Variants in TCERG1L observed in about 807,000 individuals in gnomAD.
TCERG1L encodes transcription elongation regulator 1-like protein.
In TCERG1L, 37 loss-of-function variants were observed where a neutral mutation model predicts 56.3. That is an observed-to-expected ratio of 0.66 (90% confidence interval 0.51 to 0.87). TCERG1L has a LOEUF of 0.87. Ranked by LOEUF, TCERG1L falls within the 40% of genes least tolerant of loss-of-function variation. The pLI, the probability that TCERG1L is intolerant of heterozygous loss-of-function variation, is 0.00. For synonymous variants in TCERG1L, 324 were observed against 326.3 expected, an observed-to-expected ratio of 0.99 and a Z score of 0.08; for missense variants, 799 against 774.2, an observed-to-expected ratio of 1.03 and a Z score of -0.38.
At chr10:131,190,877 A>C (rs1845294553) in intron 4 of TCERG1L, among the ~76,000 whole-genome samples, 1 of 144,190 alleles carries the variant, frequency 6.9e-6, no homozygotes, top group African/African-American at 2.6e-5. Flanking sequence ...GAGAAATTAA[A>C]CCCGAGAAAG....
At chr10:131,108,918 C>T (rs1278248978) in intron 9 of TCERG1L, among the ~76,000 whole-genome samples, 1 of 152,236 alleles carries the variant, frequency 6.6e-6, no homozygotes. Context: ...CCCCAGGGCC[C>T]CCACAGTGGG....
At chr10:131,166,762 G>T in intron 5 of TCERG1L, 35 bp downstream of exon 5, 1 of 1,607,762 alleles carries the variant, frequency 6.2e-7, no homozygotes. Flanking sequence ...CCAGGGTTTT[G>T]TGTCTTTAAC....
chr10:131,302,415 G>C (rs1332849811), intron 3 of TCERG1L, among the ~76,000 whole-genome samples: 2 of 148,488 alleles, frequency 1.3e-5, no homozygotes, highest in Non-Finnish European at 3.0e-5. Context: ...TACATATATT[G>C]ACTTATTTTC....
At chr10:131,125,148 T>C (rs946059245) in intron 8 of TCERG1L, among the ~76,000 whole-genome samples, 4 of 150,806 alleles carry the variant, frequency 2.7e-5, no homozygotes, top group Admixed American at 6.6e-5. Context: ...GTGAGGAAGA[T>C]GGTGGTGGTG....
rs916109232 is a variant in TCERG1L at position 131,114,486 on chromosome 10, C to T, written c.1395+2313G>A. 2.6e-5 allele frequency among the ~76,000 whole-genome samples: 4 copies of T among 151,482 alleles called. 2 individuals carry two copies. The highest frequency in any genetic ancestry group is 5.9e-5 in the Non-Finnish European group (4 of 67,886). ...AGGCTTCACCCTAGTCCCTTTCTCTCGGGGTAAACACACAACCTGGTGGTT... is the reference window on the plus strand; with the variant it reads ...AGGCTTCACCCTAGTCCCTTTCTCTTGGGGTAAACACACAACCTGGTGGTT... On this transcript the variant is annotated intron_variant, in intron 9 of 11. Coordinates refer to ENST00000368642, the MANE Select transcript of TCERG1L (RefSeq NM_174937.4).
At chr10:131,306,695 C>T (rs1004900980) in intron 3 of TCERG1L, among the ~76,000 whole-genome samples, 6 of 152,096 alleles carry the variant, frequency 3.9e-5, no homozygotes, top group African/African-American at 1.2e-4. Flanking sequence ...AAAATAGATA[C>T]ATCCAAAAAT....
At chr10:131,276,986 T>C (rs1005482603) in intron 3 of TCERG1L, among the ~76,000 whole-genome samples, 15 of 152,230 alleles carry the variant, frequency 9.9e-5, no homozygotes, top group African/African-American at 3.6e-4. Flanking sequence ...TCATCATATG[T>C]AGCTGCTGTT....
intron 4 of TCERG1L, among the ~76,000 whole-genome samples, chr10:131,206,054 G>A (rs1845521396): frequency 6.6e-6 from 1 of 152,342 alleles, no homozygotes; most frequent in Non-Finnish European, 1.5e-5. Context: ...GACTCTGAAA[G>A]GGCAGGAAAA....
At chr10:131,239,497 A>G (rs945067522) in intron 4 of TCERG1L, among the ~76,000 whole-genome samples, 8 of 152,254 alleles carry the variant, frequency 5.3e-5, no homozygotes, top group Non-Finnish European at 1.2e-4. Context: ...GTGGTCAAAT[A>G]ATGAAAACAA....
intron 9 of TCERG1L, among the ~76,000 whole-genome samples, chr10:131,111,174 C>G (rs933966354): frequency 7.0e-6 from 1 of 143,196 alleles, no homozygotes; most frequent in Non-Finnish European, 1.6e-5. Context: ...GAGCCATGCC[C>G]GCTCCGACCC....
intron 4 of TCERG1L, among the ~76,000 whole-genome samples, chr10:131,238,132 G>A (rs961790740): frequency 3.9e-5 from 6 of 151,918 alleles, no homozygotes; most frequent in Admixed American, 6.6e-5. Flanking sequence ...GCTAGACCCC[G>A]CCCCTGTTCC....
At chr10:131,176,713 C>G (rs1846156208) in intron 4 of TCERG1L, among the ~76,000 whole-genome samples, 1 of 147,062 alleles carries the variant, frequency 6.8e-6, no homozygotes, top group Admixed American at 6.8e-5. Context: ...CGTGTACACC[C>G]ACAGAGATAG....
chr10:131,266,330 C>T (rs1846285537), intron 3 of TCERG1L, among the ~76,000 whole-genome samples: 1 of 152,176 alleles, frequency 6.6e-6, no homozygotes, highest in Non-Finnish European at 1.5e-5. Flanking sequence ...TTTCAAACTC[C>T]TGTTAATGTT....
At chr10:131,259,788 CCT>C (rs1187105345) in intron 4 of TCERG1L, among the ~76,000 whole-genome samples, 5 of 152,226 alleles carry the variant, frequency 3.3e-5, no homozygotes, top group Admixed American at 3.3e-4. Flanking sequence ...GACCCCAGCC[CCT>C]GTGTCCAGCC....
chr10:131,282,337 T>A (rs1444466712), intron 3 of TCERG1L, among the ~76,000 whole-genome samples: 1 of 132,870 alleles, frequency 7.5e-6, no homozygotes, highest in Admixed American at 7.1e-5. Context: ...GATGGTGACA[T>A]GAATGGTGTT....
At chr10:131,192,263 C>G (rs902000432) in intron 4 of TCERG1L, among the ~76,000 whole-genome samples, 1 of 143,966 alleles carries the variant, frequency 6.9e-6, no homozygotes, top group East Asian at 1.9e-4. Context: ...GGACAACAAC[C>G]ATGAAAAAAT....
intron 4 of TCERG1L, among the ~76,000 whole-genome samples, chr10:131,171,928 G>T (rs914305812): frequency 1.3e-5 from 2 of 152,156 alleles, no homozygotes; most frequent in African/African-American, 4.8e-5. Context: ...TTAAAATAAA[G>T]AACTACTCTA....
chr10:131,298,244 TATTTTC>T (rs925893201), intron 3 of TCERG1L, among the ~76,000 whole-genome samples: 2 of 152,156 alleles, frequency 1.3e-5, no homozygotes, highest in Non-Finnish European at 2.9e-5. Flanking sequence ...GATTTTCTTT[TATTTTC>T]ATTTTCATTC....
At position 131,256,992 on chromosome 10, in the gene TCERG1L, G is replaced by GGAAAGAAA. The variant is rs745516129; in HGVS notation, c.856+3259_856+3266dup. On this transcript the variant is annotated intron_variant, in intron 4 of 11. Transcript: ENST00000368642. ...AGGAAGGAAGGAAGGAAGGAAGGAA[G>GGAAAGAAA]GAAAGAAAGAAAGAAAGAAAGAAAG... Among the ~76,000 whole-genome samples the GGAAAGAAA allele has an allele frequency of 3.3e-3, 196 of 59,194 alleles. 4 individuals carry two copies. Among genetic ancestry groups the GGAAAGAAA allele is most frequent in the East Asian group, 4.9e-3 (10 of 2,030 alleles). The allele number at this position is 59,194 out of a possible 152,430, so 38.8% of individuals were successfully genotyped here.
Sources: allele counts gnomAD v4.1 joint callset (sites outside exome capture counted in the v4.1 genomes callset), GRCh38; gene constraint gnomAD v4.1.1; transcripts MANE v1.5; gene names NCBI Gene and HGNC (gene_info 2026-07-23, HGNC 2026-07-21).